The following TUT4 variants were observed in gnomAD, a reference collection of about 807,000 sequenced individuals.
TUT4 encodes the protein terminal uridylyl transferase 4, also known as terminal uridylyltransferase 4.
Under a neutral mutation model 192.2 loss-of-function variants are expected in TUT4, and 36 were observed. The ratio of observed to expected loss-of-function variants is 0.19; its 90% CI spans 0.14 to 0.25. TUT4 has a LOEUF of 0.25. Among genes scored for constraint, TUT4 ranks in the 10% least tolerant of loss-of-function variants. The probability of loss-of-function intolerance (pLI) is 1.00; values close to 1 mark genes in which losing one functional copy is unlikely to be tolerated. For synonymous variants in TUT4, 618 were observed against 666.0 expected (o/e 0.93, Z 1.11); for missense variants, 1,493 against 1,957.2 (o/e 0.76, Z 4.47).
intron 13 of TUT4, 59 bp downstream of exon 13, chr1:52,474,772 AT>A (rs1166468702): frequency 7.2e-6 from 10 of 1,384,476 alleles, no homozygotes; most frequent in Non-Finnish European, 9.7e-6. Context: ...AATCTAAAAA[AT>A]ATACATAGTC....
At chr1:52,549,807 T>A (rs1450494592) in intron 1 of TUT4, among the ~76,000 whole-genome samples, 1 of 151,274 alleles carries the variant, frequency 6.6e-6, no homozygotes, top group African/African-American at 2.4e-5. Context: ...GAAAAAAAAA[T>A]GCATAAACAG....
At chr1:52,449,389 C>T (rs1057210723) in intron 20 of TUT4, among the ~76,000 whole-genome samples, 5 of 152,224 alleles carry the variant, frequency 3.3e-5, no homozygotes, top group Non-Finnish European at 5.9e-5. Flanking sequence ...ACCTCCACCT[C>T]GCCAGTTCAA....
At chr1:52,527,363 T>C (rs990803553) in intron 1 of TUT4, among the ~76,000 whole-genome samples, 2 of 152,042 alleles carry the variant, frequency 1.3e-5, no homozygotes, top group African/African-American at 4.8e-5. Flanking sequence ...CTGACCAACA[T>C]AGTGAAACCC....
At chr1:52,508,908 A>G (rs371685369) in intron 4 of TUT4, among the ~76,000 whole-genome samples, 3 of 152,236 alleles carry the variant, frequency 2.0e-5, no homozygotes, top group Admixed American at 6.5e-5. Flanking sequence ...CCCGAAGCTT[A>G]TAAGTTTCTT....
chr1:52,537,775 T>A (rs1469164545), intron 1 of TUT4, among the ~76,000 whole-genome samples: 1 of 152,008 alleles, frequency 6.6e-6, no homozygotes, highest in Non-Finnish European at 1.5e-5. Context: ...TAGCCAGGCA[T>A]GGTGGCGCGT....
At position 52,425,302 on chromosome 1, in the gene TUT4, G is replaced by T. The variant is rs1649474513; in HGVS notation, c.4870+47C>A. ...GCCTTCACTAAGGCTCTCTATCCCAGAATAAAACCCACCCAAGCCTGTTAA... is the reference window on the plus strand; with the variant it reads ...GCCTTCACTAAGGCTCTCTATCCCATAATAAAACCCACCCAAGCCTGTTAA... On this transcript the variant is annotated intron_variant, in intron 29 of 29. Coordinates refer to ENST00000257177, the MANE Select transcript of TUT4 (RefSeq NM_001009881.3). 13 of 1,583,862 alleles carry T rather than the reference G, an allele frequency of 8.2e-6. No individual in the cohort carries two copies. The East Asian group carries it at 2.9e-4, about 36-fold the overall frequency.
intron 4 of TUT4, among the ~76,000 whole-genome samples, chr1:52,502,791 T>G (rs1674518131): frequency 1.3e-5 from 2 of 151,872 alleles, no homozygotes; most frequent in African/African-American, 4.8e-5. Context: ...CCCAGCTAAT[T>G]TTTTGTATTA....
intron 1 of TUT4, among the ~76,000 whole-genome samples, chr1:52,551,637 G>A (rs576565961): frequency 3.9e-5 from 6 of 152,350 alleles, no homozygotes; most frequent in Non-Finnish European, 8.8e-5. Context: ...GCAGTGTAGT[G>A]ACATACATGA....
At chr1:52,527,797 G>T (rs973349966) in intron 1 of TUT4, among the ~76,000 whole-genome samples, 1 of 152,118 alleles carries the variant, frequency 6.6e-6, no homozygotes, top group African/African-American at 2.4e-5. Flanking sequence ...TGTTGAAAGT[G>T]GGGGAGGCTA....
intron 1 of TUT4, among the ~76,000 whole-genome samples, chr1:52,536,000 T>C (rs1479919549): frequency 7.2e-5 from 11 of 152,168 alleles, no homozygotes; most frequent in African/African-American, 9.7e-5. Context: ...CTAAAAGAAA[T>C]TCTTAATGCT....
intron 14 of TUT4, among the ~76,000 whole-genome samples, chr1:52,471,008 CTTTTTTTT>C (rs771331613): frequency 1.2e-5 from 1 of 82,148 alleles, no homozygotes; most frequent in Admixed American, 1.3e-4. Context: ...GCACTCTATG[CTTTTTTTT>C]TTTTTTTTTT....
Position 52,463,215 on chromosome 1 carries a change from T to C in TUT4, c.3070-1446A>G, listed in dbSNP as rs1220216908. 16 of 985,206 alleles carry C rather than the reference T, an allele frequency of 1.6e-5. No individual in the cohort carries two copies. In the Admixed American group the frequency reaches 1.8e-4, roughly 11 times the overall value. 61.0% of individuals were successfully genotyped at this position (985,206 alleles called of 1,614,324 possible). ...GATTAGAAGTTTAATAAATTTTACA[T>C]AGAAGATATCTAAAACTCTAACCTC... On this transcript the variant is annotated intron_variant, in intron 16 of 29. Transcript: ENST00000257177.
chr1:52,503,388 A>G (rs184995305), intron 4 of TUT4, among the ~76,000 whole-genome samples: 4 of 152,260 alleles, frequency 2.6e-5, no homozygotes, highest in African/African-American at 9.6e-5. Context: ...AAAGAAAAAA[A>G]AAACTGTGTG....
At chr1:52,443,713 T>C (rs1033388143) in intron 24 of TUT4, among the ~76,000 whole-genome samples, 2 of 150,212 alleles carry the variant, frequency 1.3e-5, no homozygotes, top group Non-Finnish European at 3.0e-5. Flanking sequence ...CAGTGAGCTA[T>C]GATTGCACGA....
chr1:52,509,711 C>T lies in TUT4; in HGVS notation c.884G>A (p.Arg295Gln), dbSNP rs1200841351. ...ERDHIFRLEK[R>Q]SPEYTNCRYL... The stretch of plus-strand genomic sequence containing the variant: ...CCGACAATTGGTATATTCTGGTGAT[C>T]GCTGAAGAGACAAATTTTAAAAATG... Residue 295 changes from arginine to glutamine, a missense_variant and splice_region_variant, in exon 4 of 30, where the codon CGA (arginine) becomes CAA (glutamine). Physicochemically the swap from Arg to Gln is conservative, Grantham distance 43. Coordinates refer to ENST00000257177, the MANE Select transcript of TUT4 (RefSeq NM_001009881.3). The T allele has an allele frequency of 2.5e-6, 4 of 1,585,700 alleles. No homozygotes were observed. Among genetic ancestry groups the T allele is most frequent in the African/African-American group, 2.7e-5 (2 of 74,190 alleles).
chr1:52,434,536 AT>A (rs1653134362), intron 27 of TUT4: 1 of 152,186 alleles, frequency 6.6e-6, no homozygotes, highest in Non-Finnish European at 1.5e-5. Flanking sequence ...TCAACAAACA[AT>A]ATTAAACTTA....
intron 1 of TUT4, among the ~76,000 whole-genome samples, chr1:52,528,030 A>T (rs934942566): frequency 2.0e-5 from 3 of 151,688 alleles, no homozygotes; most frequent in Non-Finnish European, 4.4e-5. Context: ...TACAAAAATT[A>T]GCCGGGTACA....
At chr1:52,459,811 G>C (rs1662054003) in intron 19 of TUT4, among the ~76,000 whole-genome samples, 1 of 152,080 alleles carries the variant, frequency 6.6e-6, no homozygotes, top group African/African-American at 2.4e-5. Context: ...GAATCTAGGA[G>C]GTGGAGGTTG....
intron 2 of TUT4, among the ~76,000 whole-genome samples, chr1:52,516,916 T>C (rs553102233): frequency 1.3e-5 from 2 of 152,312 alleles, no homozygotes; most frequent in South Asian, 4.1e-4. Context: ...TGAGGAGTTA[T>C]CATTTAAGCC....
Sources: gnomAD v4.1 joint callset for allele counts (sites outside exome capture counted in the v4.1 genomes callset) on GRCh38, gnomAD v4.1.1 for gene constraint, MANE v1.5 for transcripts, NCBI Gene and HGNC (gene_info 2026-07-23, HGNC 2026-07-21) for gene names.